The following MACROD2 variants were observed in gnomAD, a reference collection of about 807,000 sequenced individuals.
MACROD2 encodes mono-ADP ribosylhydrolase 2, also known as ADP-ribose glycohydrolase MACROD2.
MACROD2 carries 36 observed loss-of-function variants against 70.4 expected under a neutral mutation model. That is an observed-to-expected ratio of 0.51 (90% CI 0.39 to 0.68). The LOEUF is 0.68. MACROD2 is among the 30% of genes least tolerant of loss of function. The probability of loss-of-function intolerance (pLI) is 0.00; values close to 1 mark genes in which losing one functional copy is unlikely to be tolerated. For missense variants in MACROD2, 496 were observed against 538.4 expected (o/e 0.92, Z 0.78); for synonymous variants, 172 against 178.8 (o/e 0.96, Z 0.30).
intron 8 of MACROD2, among the ~76,000 whole-genome samples, chr20:15,827,263 C>A (rs145719779): frequency 6.6e-6 from 1 of 151,988 alleles, no homozygotes; most frequent in Non-Finnish European, 1.5e-5. Context: ...ATGATTTATA[C>A]CCAATTCAAG....
intron 6 of MACROD2, among the ~76,000 whole-genome samples, chr20:15,330,238 A>G (rs1310345012): frequency 1.3e-5 from 2 of 151,954 alleles, no homozygotes; most frequent in African/African-American, 4.8e-5. Flanking sequence ...CCATGAACCG[A>G]GCAATGGGCC....
chr20:15,499,464 G>C (rs1231979181), intron 7 of MACROD2, among the ~76,000 whole-genome samples: 2 of 152,066 alleles, frequency 1.3e-5, no homozygotes, highest in African/African-American at 4.8e-5. Context: ...AAAATAATAT[G>C]AAAGTATATT....
At chr20:15,871,257 A>T (rs6043584) in intron 9 of MACROD2, among the ~76,000 whole-genome samples, 135,440 of 151,454 alleles carry the variant, frequency 0.89, 61,754 homozygotes, top group Non-Finnish European at 0.99. Context: ...ATGGGCACAA[A>T]ACTTTAAAAT....
At chr20:14,912,891 A>G (rs974116117) in intron 5 of MACROD2, among the ~76,000 whole-genome samples, 7 of 152,282 alleles carry the variant, frequency 4.6e-5, no homozygotes, top group African/African-American at 1.7e-4. Context: ...CCCAAGTTTA[A>G]GATGCTTGCC....
intron 5 of MACROD2, among the ~76,000 whole-genome samples, chr20:14,908,159 C>T (rs2073982161): frequency 6.6e-6 from 1 of 151,796 alleles, no homozygotes; most frequent in Admixed American, 6.6e-5. Flanking sequence ...GTCTGGCCAA[C>T]ACGGTGAAAT....
chr20:15,993,602 C>A (rs1028418343), intron 15 of MACROD2, among the ~76,000 whole-genome samples: 1 of 152,004 alleles, frequency 6.6e-6, no homozygotes, highest in African/African-American at 2.4e-5. Context: ...TGTATCTTCA[C>A]CTTAAGCAAT....
intron 3 of MACROD2, among the ~76,000 whole-genome samples, chr20:14,304,657 T>C (rs1417539591): frequency 6.6e-6 from 1 of 152,208 alleles, no homozygotes; most frequent in Non-Finnish European, 1.5e-5. Flanking sequence ...AGTACTCTTA[T>C]CTCTGAACTC....
intron 4 of MACROD2, among the ~76,000 whole-genome samples, chr20:14,523,736 G>T (rs1461654717): frequency 1.3e-5 from 2 of 152,162 alleles, no homozygotes; most frequent in Non-Finnish European, 2.9e-5. Flanking sequence ...TCCTCTTCTA[G>T]AAATTTACTA....
At chr20:15,916,096 A>C (rs1298327816) in intron 10 of MACROD2, among the ~76,000 whole-genome samples, 1 of 152,228 alleles carries the variant, frequency 6.6e-6, no homozygotes, top group Non-Finnish European at 1.5e-5. Flanking sequence ...AGCTGATTAG[A>C]AGGTGGGATA....
intron 8 of MACROD2, among the ~76,000 whole-genome samples, chr20:15,761,503 C>A (rs1167194556): frequency 6.6e-6 from 1 of 152,142 alleles, no homozygotes; most frequent in African/African-American, 2.4e-5. Context: ...CTTCAATGAT[C>A]TGATCAATTG....
intron 8 of MACROD2, among the ~76,000 whole-genome samples, chr20:15,559,004 G>A (rs934173018): frequency 3.3e-5 from 5 of 152,014 alleles, no homozygotes; most frequent in South Asian, 2.1e-4. Context: ...CGAGACGGGC[G>A]GATCACGAGG....
chr20:15,194,305 A>G (rs1292002081), intron 5 of MACROD2, among the ~76,000 whole-genome samples: 1 of 151,430 alleles, frequency 6.6e-6, no homozygotes, highest in African/African-American at 2.4e-5. Context: ...AAAGCTAGAT[A>G]ATAAAGGGAA....
At chr20:14,142,202 A>G (rs971538659) in intron 3 of MACROD2, among the ~76,000 whole-genome samples, 16 of 152,090 alleles carry the variant, frequency 1.1e-4, no homozygotes, top group African/African-American at 3.6e-4. Context: ...AGTTTTTCTC[A>G]GGAAGATTTA....
At chr20:14,760,556 A>G (rs2072002776) in intron 5 of MACROD2, among the ~76,000 whole-genome samples, 1 of 152,128 alleles carries the variant, frequency 6.6e-6, no homozygotes, top group East Asian at 1.9e-4. Flanking sequence ...CTAAAACAAA[A>G]TACAGAGTAC....
chr20:14,529,399 C>T (rs73098608), intron 4 of MACROD2, among the ~76,000 whole-genome samples: 2,485 of 152,268 alleles, frequency 0.016, 34 homozygotes, highest in Non-Finnish European at 0.026. Flanking sequence ...GTTTTCACCT[C>T]GTGTTTTTGA....
intron 3 of MACROD2, among the ~76,000 whole-genome samples, chr20:14,177,316 T>TG (rs1342765174): frequency 6.6e-6 from 1 of 150,976 alleles, no homozygotes; most frequent in African/African-American, 2.4e-5. Flanking sequence ...TTTTTTTTTT[T>TG]TTGAGAAGGA....
intron 2 of MACROD2, among the ~76,000 whole-genome samples, chr20:14,044,851 C>T (rs567883444): frequency 2.1e-4 from 32 of 152,176 alleles, no homozygotes; most frequent in Non-Finnish European, 3.8e-4. Flanking sequence ...CTTGGGCGGT[C>T]GATGGGACTG....
At chr20:14,762,919 G>A (rs528586131) in intron 5 of MACROD2, among the ~76,000 whole-genome samples, 1 of 152,140 alleles carries the variant, frequency 6.6e-6, no homozygotes, top group African/African-American at 2.4e-5. Context: ...GACAGAGCAA[G>A]ATTCCGTCTC....
intron 5 of MACROD2, among the ~76,000 whole-genome samples, chr20:14,883,910 T>C (rs185024204): frequency 6.6e-6 from 1 of 151,664 alleles, no homozygotes; most frequent in Non-Finnish European, 1.5e-5. Context: ...TTAAGCAAGC[T>C]TCTGGTTTTG....
Sources: gnomAD v4.1 joint callset for allele counts (sites outside exome capture counted in the v4.1 genomes callset) on GRCh38, gnomAD v4.1.1 for gene constraint, MANE v1.5 for transcripts, NCBI Gene and HGNC (gene_info 2026-07-23, HGNC 2026-07-21) for gene names.